Variants in GUCY2F observed in about 807,000 individuals in gnomAD.
GUCY2F encodes the protein retinal guanylyl cyclase 2.
Under a neutral mutation model 73.1 loss-of-function variants are expected in GUCY2F, and 61 were observed. The ratio of observed to expected loss-of-function variants is 0.83; its 90% CI spans 0.68 to 1.03. The LOEUF (loss-of-function observed/expected upper bound fraction) is 1.03. GUCY2F is among the 50% of genes least tolerant of loss of function. GUCY2F has a pLI of 0.00. For missense variants in GUCY2F, 912 were observed against 854.3 expected, an observed-to-expected ratio of 1.07 and a Z score of -0.84; for synonymous variants, 331 against 307.8, an observed-to-expected ratio of 1.08 and a Z score of -0.79.
rs139194214 is a variant in GUCY2F, at chrX:109,465,244, T to C, written c.930A>G (p.Ala310=). The change falls in exon 3 of 20, where the codon GCA becomes GCG. Residue 310 remains alanine (A), a synonymous_variant. Transcript: ENST00000218006. ...NNPKLREAYD[A]VLTITVESQE... is the part of the protein sequence containing the mutation. ...GGGACTCCACTGTAATGGTCAACAC[T>C]GCATCATAGGCTTCCCGGAGCTTTG... 6,822 of 1,207,078 alleles carry C rather than the reference T, an allele frequency of 5.7e-3. 22 individuals carry two copies. Among genetic ancestry groups the C allele is most frequent in the Non-Finnish European group, 6.8e-3 (6,054 of 892,422 alleles).
intron 6 of GUCY2F, 44 bp downstream of exon 6, chrX:109,448,025 C>T: frequency 3.2e-6 from 2 of 632,657 alleles, no homozygotes; most frequent in Non-Finnish European, 5.2e-6. Flanking sequence ...TGGCTTGTGG[C>T]TACCATGTTG....
rs561485393 is a variant in GUCY2F at position 109,403,074 on chromosome X, T to C, written c.2125+1254A>G. 9.8e-5 allele frequency among the ~76,000 whole-genome samples: 11 copies of C among 112,486 alleles called. No individual in the cohort carries two copies. In the South Asian group the frequency reaches 4.1e-3, roughly 42 times the overall value. Reference sequence around the variant, plus strand: ...TCTTTTTTTGGGCTGTTTGCTTTTCTGTCTTTTGTGTCACTATCTCTCTTC... The same window carrying C: ...TCTTTTTTTGGGCTGTTTGCTTTTCCGTCTTTTGTGTCACTATCTCTCTTC... On this transcript the variant is annotated intron_variant, in intron 10 of 19. Transcript: ENST00000218006.
At chrX:109,434,874 T>G (rs1475237440) in intron 7 of GUCY2F, among the ~76,000 whole-genome samples, 2 of 111,323 alleles carry the variant, frequency 1.8e-5, no homozygotes, top group African/African-American at 3.3e-5. Context: ...CACCATTTAT[T>G]AAATAGGGAA....
intron 12 of GUCY2F, among the ~76,000 whole-genome samples, chrX:109,394,790 C>A (rs2147255052): frequency 8.9e-6 from 1 of 112,136 alleles, no homozygotes; most frequent in Admixed American, 9.4e-5. Context: ...TTTTCATGTA[C>A]CCCATTGCCT....
intron 10 of GUCY2F, among the ~76,000 whole-genome samples, chrX:109,399,629 T>G (rs1484890866): frequency 9.0e-6 from 1 of 111,323 alleles, no homozygotes; most frequent in Non-Finnish European, 1.9e-5. Context: ...TATATAAAGT[T>G]ACCATTTCTG....
Position 109,408,288 on chromosome X carries a change from C to T in GUCY2F, c.1968+704G>A, listed in dbSNP as rs904669940. 2.7e-5 allele frequency among the ~76,000 whole-genome samples: 3 copies of T among 112,091 alleles called. No homozygotes were observed. The East Asian group carries it at 8.4e-4, about 31-fold the overall frequency. On this transcript the variant is annotated intron_variant, in intron 9 of 19. Transcript: ENST00000218006. ...ACCCCTTGGTATTGGCCAATTTTTC[C>T]CATTTAGAACAGCTGTATTTACCCA...
At chrX:109,456,214 C>T (rs1364390442) in intron 3 of GUCY2F, among the ~76,000 whole-genome samples, 3 of 112,217 alleles carry the variant, frequency 2.7e-5, no homozygotes, top group Non-Finnish European at 5.6e-5. Flanking sequence ...TCCTGACATT[C>T]TTGGATGCTG....
chrX:109,435,796 C>T (rs1039714438), intron 7 of GUCY2F, among the ~76,000 whole-genome samples: 8 of 111,469 alleles, frequency 7.2e-5, no homozygotes, highest in East Asian at 5.6e-4. Context: ...TTTTGAGATA[C>T]GTCCCATCAA....
chrX:109,477,489 T>C (rs1457844247), intron 1 of GUCY2F, among the ~76,000 whole-genome samples: 1 of 112,022 alleles, frequency 8.9e-6, no homozygotes, highest in Non-Finnish European at 1.9e-5. Context: ...TTATAAATTC[T>C]TAATAGAAAG....
chrX:109,377,367 T>C (rs1930203426), intron 17 of GUCY2F, among the ~76,000 whole-genome samples: 1 of 111,639 alleles, frequency 9.0e-6, no homozygotes, highest in Non-Finnish European at 1.9e-5. Context: ...CTTGAAAATA[T>C]ATTCCATCAC....
chrX:109,430,960 A>AT (rs2147268690), intron 7 of GUCY2F, among the ~76,000 whole-genome samples: 1 of 111,559 alleles, frequency 9.0e-6, no homozygotes, highest in Non-Finnish European at 1.9e-5. Flanking sequence ...TAGATTAAAT[A>AT]TTTTTTATTT....
chrX:109,438,019 C>T (rs1485666294), intron 7 of GUCY2F, among the ~76,000 whole-genome samples: 1 of 112,633 alleles, frequency 8.9e-6, no homozygotes. Flanking sequence ...TAAGTCAAAG[C>T]CCTCACATAG....
At chrX:109,397,918 G>A (rs190768799) in intron 11 of GUCY2F, among the ~76,000 whole-genome samples, 37 of 110,538 alleles carry the variant, frequency 3.3e-4, no homozygotes, top group African/African-American at 1.2e-3. Flanking sequence ...CATAACATGG[G>A]TGTGCTGTAT....
At chrX:109,373,631 C>T (rs1930107776) in intron 19 of GUCY2F, among the ~76,000 whole-genome samples, 1 of 112,196 alleles carries the variant, frequency 8.9e-6, no homozygotes, top group Admixed American at 9.4e-5. Flanking sequence ...AAACTGCCAA[C>T]TTCCCCATTT....
intron 9 of GUCY2F, among the ~76,000 whole-genome samples, chrX:109,408,420 G>T (rs1300840931): frequency 8.9e-6 from 1 of 112,286 alleles, no homozygotes; most frequent in Admixed American, 9.4e-5. Context: ...TTGGACTGTG[G>T]ACTTTTGGGT....
chrX:109,386,149 T>C (rs1930432164), intron 15 of GUCY2F, among the ~76,000 whole-genome samples: 1 of 111,523 alleles, frequency 9.0e-6, no homozygotes, highest in Admixed American at 9.5e-5. Flanking sequence ...AAAAAAGAAA[T>C]GTAACACATA....
intron 1 of GUCY2F, among the ~76,000 whole-genome samples, chrX:109,480,749 AT>A (rs994378945): frequency 9.1e-6 from 1 of 109,825 alleles, no homozygotes; most frequent in African/African-American, 3.3e-5. Flanking sequence ...CTGCCCTTAC[AT>A]TTTTTCTGGT....
intron 8 of GUCY2F, among the ~76,000 whole-genome samples, chrX:109,421,076 T>C (rs1046249938): frequency 9.0e-6 from 1 of 111,725 alleles, no homozygotes; most frequent in Non-Finnish European, 1.9e-5. Flanking sequence ...GATATCACCT[T>C]AACCCCATTA....
chrX:109,401,951 A>G (rs2147257883), intron 10 of GUCY2F, among the ~76,000 whole-genome samples: 1 of 111,699 alleles, frequency 9.0e-6, no homozygotes, highest in Non-Finnish European at 1.9e-5. Flanking sequence ...TGGCCAGAGC[A>G]TAAAGCAGGG....
Sources: allele counts gnomAD v4.1 joint callset (sites outside exome capture counted in the v4.1 genomes callset), GRCh38; gene constraint gnomAD v4.1.1; transcripts MANE v1.5; gene names NCBI Gene and HGNC (gene_info 2026-07-23, HGNC 2026-07-21).